The following TTC28 variants were observed in gnomAD, a reference collection of about 807,000 sequenced individuals.
TTC28 encodes tetratricopeptide repeat protein 28.
A neutral mutation model predicts 198.0 loss-of-function variants in TTC28; 61 were observed. The observed-to-expected ratio is 0.31, with a 90% CI of 0.25 to 0.38. The LOEUF is 0.38. TTC28 is among the 10% of genes least tolerant of loss of function. The pLI, the probability that TTC28 is intolerant of heterozygous loss-of-function variation, is 1.00. For missense variants in TTC28, 2,678 were observed against 3,164.0 expected (o/e 0.85, Z 3.69); for synonymous variants, 1,171 against 1,297.8 (o/e 0.90, Z 2.10).
At chr22:28,572,848 T>C (rs1482227723) in intron 2 of TTC28, among the ~76,000 whole-genome samples, 1 of 152,090 alleles carries the variant, frequency 6.6e-6, no homozygotes. Flanking sequence ...TATGTAATGC[T>C]TCACAAAAAG....
intron 5 of TTC28, among the ~76,000 whole-genome samples, chr22:28,288,807 C>T (rs2145758040): frequency 7.8e-6 from 1 of 128,242 alleles, no homozygotes; most frequent in East Asian, 2.3e-4. Context: ...AGCGAGACTC[C>T]GTTTCAAAAA....
chr22:28,365,185 A>G (rs548494239), intron 2 of TTC28, among the ~76,000 whole-genome samples: 18 of 152,344 alleles, frequency 1.2e-4, no homozygotes, highest in African/African-American at 3.6e-4. Context: ...AGGCTTGATG[A>G]TCATTAGAAT....
At chr22:28,335,800 T>A (rs181832089) in intron 2 of TTC28, among the ~76,000 whole-genome samples, 2 of 152,322 alleles carry the variant, frequency 1.3e-5, no homozygotes, top group Non-Finnish European at 2.9e-5. Flanking sequence ...ACAATTTGAC[T>A]TCCTCTTTTC....
chr22:28,461,773 A>G (rs1299523423), intron 2 of TTC28, among the ~76,000 whole-genome samples: 1 of 151,884 alleles, frequency 6.6e-6, no homozygotes, highest in Non-Finnish European at 1.5e-5. Flanking sequence ...ATCCTCTCTC[A>G]CCAATCCTGT....
At chr22:28,219,424 G>A (rs925134704) in intron 5 of TTC28, among the ~76,000 whole-genome samples, 3 of 151,722 alleles carry the variant, frequency 2.0e-5, no homozygotes, top group African/African-American at 4.8e-5. Context: ...CACGAGAATC[G>A]CTTGAACCTG....
chr22:28,411,636 A>G (rs1024906094), intron 2 of TTC28, among the ~76,000 whole-genome samples: 3 of 152,202 alleles, frequency 2.0e-5, no homozygotes, highest in Non-Finnish European at 4.4e-5. Flanking sequence ...TTTCACAGCA[A>G]CAGTTACAAT....
intron 15 of TTC28, chr22:28,001,157 C>G: frequency 1.8e-6 from 1 of 544,572 alleles, no homozygotes; most frequent in Middle Eastern, 5.1e-4. Context: ...CTGTGGCTTC[C>G]CAAGGCAGCA....
intron 2 of TTC28, among the ~76,000 whole-genome samples, chr22:28,514,532 C>T (rs1159459243): frequency 2.6e-5 from 4 of 152,304 alleles, no homozygotes; most frequent in Admixed American, 2.0e-4. Context: ...AACAAAAGGC[C>T]GGAAGCTGGA....
At chr22:28,045,566 G>T (rs1939828339) in intron 12 of TTC28, among the ~76,000 whole-genome samples, 1 of 152,186 alleles carries the variant, frequency 6.6e-6, no homozygotes, top group African/African-American at 2.4e-5. Flanking sequence ...CACCTGCTAG[G>T]TGCTCAGTAA....
intron 5 of TTC28, among the ~76,000 whole-genome samples, chr22:28,179,218 G>A (rs1923469678): frequency 6.7e-6 from 1 of 149,482 alleles, no homozygotes; most frequent in Non-Finnish European, 1.5e-5. Flanking sequence ...GGAGTGCAGT[G>A]GTGCAATCTC....
At position 28,460,517 on chromosome 22, in the gene TTC28, G is replaced by T. The variant is rs41548415; in HGVS notation, c.382-153874C>A. 8.2e-3 allele frequency among the ~76,000 whole-genome samples: 1,243 copies of T among 151,462 alleles called. 17 individuals are homozygous for T. The highest frequency in any genetic ancestry group is 9.4e-3 in the Non-Finnish European group (638 of 67,912). ...GCTTTTCTGCCCAAAAGAATATCTA[G>T]GACATCTCAGGAGCTATCTAATATG... On this transcript the variant is annotated intron_variant, in intron 2 of 22. Coordinates refer to ENST00000397906, the MANE Select transcript of TTC28 (RefSeq NM_001145418.2).
At chr22:28,075,628 G>C (rs1362548948) in intron 12 of TTC28, among the ~76,000 whole-genome samples, 1 of 152,214 alleles carries the variant, frequency 6.6e-6, no homozygotes, top group Non-Finnish European at 1.5e-5. Context: ...AATCCCTGCA[G>C]CAAAGGACAG....
chr22:28,194,004 A>G lies in TTC28; in HGVS notation c.934-30405T>C, dbSNP rs887525396. On this transcript the variant is annotated intron_variant, in intron 5 of 22. Transcript: ENST00000397906. The stretch of plus-strand genomic sequence containing the variant: ...TATACATTCTTCTCAGCACCACATC[A>G]CACTTATTCCAAAATTGACCACATA... Among the ~76,000 whole-genome samples the G allele has an allele frequency of 1.9e-4, 29 of 152,164 alleles. No individual in the cohort carries two copies. In the Middle Eastern group the frequency reaches 0.01, roughly 54 times the overall value.
chr22:28,036,353 G>A (rs545523176), intron 12 of TTC28, among the ~76,000 whole-genome samples: 1 of 152,316 alleles, frequency 6.6e-6, no homozygotes, highest in South Asian at 2.1e-4. Flanking sequence ...TAGAACTCAG[G>A]ATTAAGAAAC....
chr22:27,989,388 C>A lies in TTC28; in HGVS notation c.5707+490G>T, dbSNP rs117906537. On this transcript the variant is annotated intron_variant, in intron 21 of 22. Coordinates refer to ENST00000397906, the MANE Select transcript of TTC28 (RefSeq NM_001145418.2). ...TTTAGCTCCTAATAACACTTGACCTCCAATAATACTAGAGTCTAGCAGGTT... is the reference window on the plus strand; with the variant it reads ...TTTAGCTCCTAATAACACTTGACCTACAATAATACTAGAGTCTAGCAGGTT... 1.4e-3 allele frequency among the ~76,000 whole-genome samples: 217 copies of A among 152,262 alleles called. 2 individuals carry two copies. In the East Asian group the frequency reaches 0.021, roughly 15 times the overall value.
chr22:28,105,612 C>T lies in TTC28; in HGVS notation c.2974G>A (p.Asp992Asn), dbSNP rs1942272858. 1 of 1,551,406 alleles carries T rather than the reference C, an allele frequency of 6.4e-7. No homozygotes were observed. The highest frequency in any genetic ancestry group is 1.4e-5 in the African/African-American group (1 of 73,000). ...RQLNIARDMK[D>N]RALESDAACG... ...GCTGCGTCACTCTCCAGGGCTCGGT[C>T]TTTCATATCTCTAGCAATGTTCAGC... is the stretch of plus-strand genomic sequence containing the variant. Residue 992 changes from aspartate to asparagine, a missense_variant, in exon 8 of 23, where the codon GAC becomes AAC. Physicochemically the swap from Asp to Asn is conservative, Grantham distance 23 (BLOSUM62 1). This residue lies in a region of TTC28 where 727 missense variants were observed against 861.9 expected (regional missense o/e 0.84). Coordinates refer to ENST00000397906, the MANE Select transcript of TTC28 (RefSeq NM_001145418.2).
chr22:28,085,251 C>A (rs549931528), intron 12 of TTC28, among the ~76,000 whole-genome samples: 3 of 152,184 alleles, frequency 2.0e-5, no homozygotes, highest in African/African-American at 7.2e-5. Flanking sequence ...ATGTTAAGGG[C>A]AGCCAGAGAG....
At chr22:28,452,014 A>ATG (rs971442483) in intron 2 of TTC28, among the ~76,000 whole-genome samples, 3 of 151,790 alleles carry the variant, frequency 2.0e-5, no homozygotes, top group East Asian at 1.9e-4. Flanking sequence ...GTATGTGTGT[A>ATG]TGTGTGTGTG....
intron 2 of TTC28, chr22:28,442,865 T>TC: frequency 6.6e-6 from 1 of 152,274 alleles, no homozygotes; most frequent in Non-Finnish European, 1.5e-5. Context: ...GGGGCCCCAT[T>TC]CCCCTCTCCA....
Sources: allele counts gnomAD v4.1 joint callset (sites outside exome capture counted in the v4.1 genomes callset), GRCh38; gene constraint gnomAD v4.1.1; regional missense constraint gnomAD v4.1.1; transcripts MANE v1.5; gene names NCBI Gene and HGNC (gene_info 2026-07-23, HGNC 2026-07-21).